Variants in CNNM2 observed in about 807,000 individuals in gnomAD.
CNNM2 encodes the protein cyclin and CBS domain divalent metal cation transport mediator 2.
Under a neutral mutation model 66.9 loss-of-function variants are expected in CNNM2, and 12 were observed. That is an observed-to-expected ratio of 0.18 (90% confidence interval 0.11 to 0.29). The LOEUF is 0.29. Ranked by LOEUF, CNNM2 falls within the 10% of genes least tolerant of loss-of-function variation. The probability of loss-of-function intolerance (pLI) is 1.00; values close to 1 mark genes in which losing one functional copy is unlikely to be tolerated. For synonymous variants in CNNM2, 557 were observed against 501.8 expected (o/e 1.11, Z -1.47); for missense variants, 705 against 1,167.7 (o/e 0.60, Z 5.77).
intron 1 of CNNM2, among the ~76,000 whole-genome samples, chr10:102,964,415 G>A (rs2134207318): frequency 6.6e-6 from 1 of 152,178 alleles, no homozygotes; most frequent in African/African-American, 2.4e-5. Context: ...TTTTAGTGGA[G>A]ACAGGGTTTC....
chr10:103,076,295 C>G (rs1342503715), intron 7 of CNNM2, 25 bp downstream of exon 7: 1 of 1,549,084 alleles, frequency 6.5e-7, no homozygotes, highest in Non-Finnish European at 8.7e-7. Context: ...TGCAGTGTGG[C>G]TGGACCTGGC....
chr10:102,958,982 G>C (rs561969425), intron 1 of CNNM2, among the ~76,000 whole-genome samples: 1 of 149,844 alleles, frequency 6.7e-6, no homozygotes, highest in African/African-American at 2.5e-5. Context: ...GGGTCTTGCT[G>C]TGTCACCCAG....
At chr10:102,949,524 C>T (rs1846749220) in intron 1 of CNNM2, among the ~76,000 whole-genome samples, 1 of 151,780 alleles carries the variant, frequency 6.6e-6, no homozygotes, top group South Asian at 2.1e-4. Flanking sequence ...TGGCTCATGC[C>T]TGTAATTCTA....
intron 5 of CNNM2, among the ~76,000 whole-genome samples, chr10:103,068,942 C>T (rs1225295261): frequency 6.6e-6 from 1 of 152,200 alleles, no homozygotes; most frequent in African/African-American, 2.4e-5. Flanking sequence ...GCACCCAGAC[C>T]AAGAGACAGG....
chr10:103,065,143 G>A (rs1318955056), intron 4 of CNNM2, among the ~76,000 whole-genome samples: 1 of 152,194 alleles, frequency 6.6e-6, no homozygotes, highest in Non-Finnish European at 1.5e-5. Flanking sequence ...AGCCGCCCTT[G>A]CTTAATCAGT....
At chr10:102,962,990 C>G (rs951720875) in intron 1 of CNNM2, among the ~76,000 whole-genome samples, 5 of 152,002 alleles carry the variant, frequency 3.3e-5, no homozygotes, top group Non-Finnish European at 5.9e-5. Context: ...TTACTAGGAG[C>G]CATTCATTTT....
chr10:102,918,626 T>G lies in CNNM2; in HGVS notation c.146T>G (p.Leu49Arg). Reference sequence around the variant, plus strand: ...CTGCAGGCGGCTGCGGGGCGGCTGCTGCCGCTGCTCCTGCTGAGCTGCTGC... The same window carrying G: ...CTGCAGGCGGCTGCGGGGCGGCTGCGGCCGCTGCTCCTGCTGAGCTGCTGC... ...GILQAAAGRL[L>R]PLLLLSCCCG... The change falls in exon 1 of 8, where the codon CTG becomes CGG. Residue 49 changes from leucine to arginine, a missense_variant. This residue lies in a region of CNNM2 where 98 missense variants were observed against 73.6 expected (regional missense o/e 1.33). Coordinates refer to ENST00000369878, the MANE Select transcript of CNNM2 (RefSeq NM_017649.5). The surrounding 1 kb of genome is among the most constrained non-coding windows in gnomAD (Gnocchi z 4.1). The G allele has an allele frequency of 6.5e-7, 1 of 1,543,902 alleles. No individual in the cohort carries two copies. The highest frequency in any genetic ancestry group is 8.7e-7 in the Non-Finnish European group (1 of 1,145,710).
At chr10:103,046,976 A>C (rs963129463) in intron 1 of CNNM2, among the ~76,000 whole-genome samples, 2 of 152,244 alleles carry the variant, frequency 1.3e-5, no homozygotes, top group African/African-American at 4.8e-5. Context: ...GTTTGGTCCG[A>C]AATCTTCTTT....
chr10:102,976,425 C>CT (rs1206577839), intron 1 of CNNM2, among the ~76,000 whole-genome samples: 535 of 34,720 alleles, frequency 0.015, 128 homozygotes, highest in East Asian at 0.036. Context: ...CAATTCTTGC[C>CT]TTTTTTTTTT....
chr10:103,011,682 G>GTGTGTGTGTGTGTGTGTA (rs747928487), intron 1 of CNNM2, among the ~76,000 whole-genome samples: 5 of 148,274 alleles, frequency 3.4e-5, no homozygotes, highest in African/African-American at 1.2e-4. Flanking sequence ...GTGTGTGTGT[G>GTGTGTGTGTGTGTGTGTA]TGTATGTATA....
At chr10:103,066,587 C>T (rs947446933) in intron 4 of CNNM2, among the ~76,000 whole-genome samples, 2 of 152,074 alleles carry the variant, frequency 1.3e-5, no homozygotes, top group Admixed American at 6.5e-5. Context: ...AGAGCCTGGC[C>T]GGCCGCTGCC....
intron 1 of CNNM2, among the ~76,000 whole-genome samples, chr10:102,988,585 T>G (rs2063840600): frequency 6.6e-6 from 1 of 152,102 alleles, no homozygotes; most frequent in South Asian, 2.1e-4. Context: ...GGCATACAGT[T>G]TGAGTGAATG....
rs896925608 is a variant in CNNM2, at chr10:103,082,600, C to T, written c.*5420C>T. 1 of 152,208 alleles carries T rather than the reference C, an allele frequency of 6.6e-6. No individual in the cohort carries two copies. Among genetic ancestry groups the T allele is most frequent in the Non-Finnish European group, 1.5e-5 (1 of 68,066 alleles). The allele number at this position is 152,208 out of a possible 1,614,324, so 9.4% of individuals were successfully genotyped here. On this transcript the variant is annotated 3_prime_UTR_variant, in exon 8 of 8. Coordinates refer to ENST00000369878, the MANE Select transcript of CNNM2 (RefSeq NM_017649.5). ...CGTCTGTGACTAGGACAAGGTCTGTCTTGAAGCTTCCTCATCCATGGATCC... is the reference window on the plus strand; with the variant it reads ...CGTCTGTGACTAGGACAAGGTCTGTTTTGAAGCTTCCTCATCCATGGATCC...
chr10:103,030,532 C>A (rs977877344), intron 1 of CNNM2, among the ~76,000 whole-genome samples: 3 of 152,132 alleles, frequency 2.0e-5, no homozygotes, highest in Middle Eastern at 3.4e-3. Flanking sequence ...CTGGCCAACA[C>A]GGTGAAACCC....
intron 1 of CNNM2, among the ~76,000 whole-genome samples, chr10:102,933,058 A>G (rs1590269455): frequency 6.6e-6 from 1 of 152,194 alleles, no homozygotes; most frequent in Admixed American, 6.5e-5. Flanking sequence ...TTGAAATTAG[A>G]AAGTTTGAAT....
chr10:102,944,752 G>A (rs531426762), intron 1 of CNNM2, among the ~76,000 whole-genome samples: 3 of 152,148 alleles, frequency 2.0e-5, no homozygotes, highest in African/African-American at 4.8e-5. Context: ...TCACACCCAC[G>A]AAATTTAATG....
In CNNM2 at chr10:103,088,942, C is replaced by G. The variant is rs1331351488; in HGVS notation, c.*11762C>G. The G allele has an allele frequency of 4.7e-6, 1 of 211,470 alleles. No individual in the cohort carries two copies. Among genetic ancestry groups the G allele is most frequent in the African/African-American group, 2.3e-5 (1 of 44,124 alleles). 13.1% of individuals were successfully genotyped at this position (211,470 alleles called of 1,614,324 possible). ...GGGGGCTTGTTCCTTTGTCCACTTG[C>G]AGCTAAATTCTTTCTATAGATTTAT... On this transcript the variant is annotated 3_prime_UTR_variant, in exon 8 of 8. Transcript: ENST00000369878.
At position 102,997,228 on chromosome 10, in the gene CNNM2, T is replaced by C. The variant is rs529874949; in HGVS notation, c.1622-52479T>C. Among the ~76,000 whole-genome samples the C allele has an allele frequency of 4.6e-5, 7 of 152,342 alleles. No homozygotes were observed. The South Asian group carries it at 1.5e-3, about 32-fold the overall frequency. On this transcript the variant is annotated intron_variant, in intron 1 of 7. Transcript: ENST00000369878. Reference sequence around the variant, plus strand: ...AGAATTCTTATGGATTGCTTCATTGTCTGCAAGCATCCAGTCTTAATAATG... The same window carrying C: ...AGAATTCTTATGGATTGCTTCATTGCCTGCAAGCATCCAGTCTTAATAATG...
chr10:103,005,054 G>A (rs1437254364), intron 1 of CNNM2, among the ~76,000 whole-genome samples: 2 of 151,632 alleles, frequency 1.3e-5, no homozygotes, highest in Admixed American at 6.6e-5. Context: ...CTGGGATTAT[G>A]GGCATGCGCC....
Sources: allele counts gnomAD v4.1 joint callset (sites outside exome capture counted in the v4.1 genomes callset), GRCh38; gene constraint gnomAD v4.1.1; regional missense constraint gnomAD v4.1.1; non-coding constraint Gnocchi (gnomAD v3.1); transcripts MANE v1.5; gene names NCBI Gene and HGNC (gene_info 2026-07-23, HGNC 2026-07-21).